The following ENTPD1 variants were observed in gnomAD, a reference collection of about 807,000 sequenced individuals.
The protein encoded by ENTPD1 is ectonucleoside triphosphate diphosphohydrolase 1, also known as ATP diphosphohydrolase.
Under a neutral mutation model 57.0 loss-of-function variants are expected in ENTPD1, and 33 were observed. The observed-to-expected ratio is 0.58, with a 90% confidence interval of 0.44 to 0.77. The LOEUF (loss-of-function observed/expected upper bound fraction) is 0.77. Ranked by LOEUF, ENTPD1 falls within the 30% of genes least tolerant of loss-of-function variation. The probability of loss-of-function intolerance (pLI) is 0.00; values close to 1 mark genes in which losing one functional copy is unlikely to be tolerated. For synonymous variants in ENTPD1, 202 were observed against 218.8 expected, an observed-to-expected ratio of 0.92 and a Z score of 0.68; for missense variants, 501 against 603.4, an observed-to-expected ratio of 0.83 and a Z score of 1.78.
chr10:95,861,196 A>G (rs929931790), intron 8 of ENTPD1: 1 of 155,344 alleles, frequency 6.4e-6, no homozygotes, highest in East Asian at 1.9e-4. Flanking sequence ...GAAAGCAGGC[A>G]ATTTGCAGAG....
intron 1 of ENTPD1, among the ~76,000 whole-genome samples, chr10:95,750,172 G>A (rs1352257561): frequency 6.6e-6 from 1 of 152,200 alleles, no homozygotes; most frequent in African/African-American, 2.4e-5. Flanking sequence ...GATAACACGA[G>A]TGGCATCTCT....
At chr10:95,753,366 C>T (rs1431773917), upstream of ENTPD1, 2 of 152,068 alleles carry the variant, frequency 1.3e-5, no homozygotes, top group Non-Finnish European at 2.9e-5. Context: ...ACCTGGACAA[C>T]GTGATTAAAT....
chr10:95,694,613 A>G, the ENTPD1 span, among the ~76,000 whole-genome samples: 7 of 152,148 alleles, frequency 4.6e-5, no homozygotes, highest in Admixed American at 4.6e-4. Context: ...GAGAGAAAGA[A>G]TAAAAAAAAG....
chr10:95,703,243 A>C, the ENTPD1 span, among the ~76,000 whole-genome samples: 1 of 152,206 alleles, frequency 6.6e-6, no homozygotes, highest in Non-Finnish European at 1.5e-5. Flanking sequence ...AATTACCACT[A>C]ACAGACCCAC....
chr10:95,783,518 G>C (rs2098165912), intron 1 of ENTPD1, among the ~76,000 whole-genome samples: 2 of 152,184 alleles, frequency 1.3e-5, no homozygotes, highest in East Asian at 3.9e-4. Context: ...AAATTATACT[G>C]GTCTGGGTTG....
chr10:95,717,905 T>A (rs560857649), intron 1 of ENTPD1, among the ~76,000 whole-genome samples: 1 of 152,312 alleles, frequency 6.6e-6, no homozygotes, highest in Admixed American at 6.5e-5. Context: ...GGGGCTCCAT[T>A]TGAAGAACGA....
rs770343694 is a variant in ENTPD1, at chr10:95,823,411, TG to T, written c.144+50del. On this transcript the variant is annotated intron_variant, in intron 2 of 9. Coordinates refer to ENST00000371205, the MANE Select transcript of ENTPD1 (RefSeq NM_001776.6). ...GTTTGTGTGTATGTAAGAGGAGATC[TG>T]GGTGGGACAGGGGGAGGAGGGATAA... 5.6e-6 allele frequency: 9 copies of T among 1,612,064 alleles called. No homozygotes were observed. The Admixed American group carries it at 1.5e-4, about 27-fold the overall frequency.
chr10:95,873,023 A>G lies in ENTPD1; in HGVS notation c.*6640A>G, dbSNP rs2098482192. On this transcript the variant is annotated 3_prime_UTR_variant, in exon 10 of 10. Coordinates refer to ENST00000371205, the MANE Select transcript of ENTPD1 (RefSeq NM_001776.6). ...GCATCTCAAAATTTAATGTACATAC[A>G]AATTACCCAGGGATTTTGTTGAAAT... 1 of 975,388 alleles carries G rather than the reference A, an allele frequency of 1.0e-6. No homozygotes were observed. The highest frequency in any genetic ancestry group is 1.2e-6 in the Non-Finnish European group (1 of 820,904). 60.4% of individuals were successfully genotyped at this position (975,388 alleles called of 1,614,324 possible). A position where few individuals can be genotyped will look rare whatever the true frequency, so the allele number is the denominator to read the frequency against.
chr10:95,766,975 G>C (rs2098091125), intron 1 of ENTPD1, among the ~76,000 whole-genome samples: 1 of 151,568 alleles, frequency 6.6e-6, no homozygotes, highest in African/African-American at 2.4e-5. Context: ...GAACTCCTGG[G>C]CTCAGGTGAT....
chr10:95,697,728 G>A, the ENTPD1 span, among the ~76,000 whole-genome samples: 1 of 152,190 alleles, frequency 6.6e-6, no homozygotes, highest in African/African-American at 2.4e-5. Flanking sequence ...CTTAAGAGAT[G>A]CCCCCTTGAC....
chr10:95,756,423 CT>C (rs1191936581), intron 1 of ENTPD1, 168 bp downstream of exon 1: 5 of 786,496 alleles, frequency 6.4e-6, no homozygotes, highest in Non-Finnish European at 1.0e-5. Flanking sequence ...CTTTGGGAAA[CT>C]TTTTAGGAAG....
intron 1 of ENTPD1, among the ~76,000 whole-genome samples, chr10:95,758,615 A>AT (rs951470943): frequency 6.6e-6 from 1 of 151,830 alleles, no homozygotes; most frequent in Non-Finnish European, 1.5e-5. Context: ...CTCCCTTCCA[A>AT]TTATATTTTC....
chr10:95,867,125 G>C lies in ENTPD1; in HGVS notation c.*742G>C, dbSNP rs940114620. The C allele has an allele frequency of 3.0e-6, 3 of 985,692 alleles. No homozygotes were observed. Among genetic ancestry groups the C allele is most frequent in the Admixed American group, 6.1e-5 (1 of 16,314 alleles). 61.1% of individuals were successfully genotyped at this position (985,692 alleles called of 1,614,324 possible). ...AAACATCAGGGCTTACTATGAGGTA[G>C]GTGGTATATACATGTCACAAATAAA... On this transcript the variant is annotated 3_prime_UTR_variant, in exon 10 of 10. Transcript: ENST00000371205.
upstream of ENTPD1, among the ~76,000 whole-genome samples, chr10:95,750,915 T>C (rs2098011091): frequency 6.6e-6 from 1 of 151,662 alleles, no homozygotes; most frequent in South Asian, 2.1e-4. Flanking sequence ...CCCAGCTACT[T>C]GGGAGGCTGA....
chr10:95,715,280 A>G (rs1258011038), intron 1 of ENTPD1, among the ~76,000 whole-genome samples: 2 of 152,106 alleles, frequency 1.3e-5, no homozygotes, highest in Middle Eastern at 3.4e-3. Flanking sequence ...TAATTGTTAT[A>G]TTTTCAGATG....
chr10:95,862,932 A>G (rs4244321), intron 8 of ENTPD1, among the ~76,000 whole-genome samples: 128,065 of 152,138 alleles, frequency 0.84, 54,722 homozygotes, highest in African/African-American at 0.96. Flanking sequence ...ATCCATGAAG[A>G]GAAAAGAACC....
At chr10:95,725,827 T>A (rs530309150) in intron 1 of ENTPD1, among the ~76,000 whole-genome samples, 2 of 152,376 alleles carry the variant, frequency 1.3e-5, no homozygotes, top group Admixed American at 1.3e-4. Context: ...GGAATGCTTA[T>A]ATCTTCTCAG....
chr10:95,841,428 C>G (rs2098422467), intron 3 of ENTPD1, among the ~76,000 whole-genome samples: 1 of 152,076 alleles, frequency 6.6e-6, no homozygotes, highest in Non-Finnish European at 1.5e-5. Flanking sequence ...TGAGACTTAT[C>G]CCATGAGCGT....
intron 1 of ENTPD1, among the ~76,000 whole-genome samples, chr10:95,718,850 C>T (rs1016586654): frequency 1.2e-4 from 19 of 152,308 alleles, no homozygotes; most frequent in African/African-American, 4.6e-4. Flanking sequence ...AGAAGGTCCC[C>T]TCGAGTGGCA....
Sources: allele counts gnomAD v4.1 joint callset (sites outside exome capture counted in the v4.1 genomes callset), GRCh38; gene constraint gnomAD v4.1.1; transcripts MANE v1.5; gene names NCBI Gene and HGNC (gene_info 2026-07-23, HGNC 2026-07-21).